The following MAPKAP1 variants were observed in gnomAD, a reference collection of about 807,000 sequenced individuals.
MAPKAP1 encodes the protein target of rapamycin complex 2 subunit MAPKAP1.
A neutral mutation model predicts 65.7 loss-of-function variants in MAPKAP1; 20 were observed. The observed-to-expected ratio is 0.30, with a 90% CI of 0.21 to 0.44. MAPKAP1 has a LOEUF of 0.44. Ranked by LOEUF, MAPKAP1 falls within the 20% of genes least tolerant of loss-of-function variation. The pLI, the probability that MAPKAP1 is intolerant of heterozygous loss-of-function variation, is 1.00. For synonymous variants in MAPKAP1, 222 were observed against 244.3 expected, an observed-to-expected ratio of 0.91 and a Z score of 0.85; for missense variants, 423 against 648.0, an observed-to-expected ratio of 0.65 and a Z score of 3.77.
intron 4 of MAPKAP1, among the ~76,000 whole-genome samples, chr9:125,615,538 CAA>C (rs58426049): frequency 6.1e-4 from 68 of 110,754 alleles, no homozygotes; most frequent in Admixed American, 1.8e-3. Flanking sequence ...ACTAAAAATA[CAA>C]AAAAAAAAAA....
intron 4 of MAPKAP1, among the ~76,000 whole-genome samples, chr9:125,589,609 T>G (rs896307084): frequency 6.6e-6 from 1 of 152,182 alleles, no homozygotes; most frequent in Non-Finnish European, 1.5e-5. Flanking sequence ...CATCTTTAAC[T>G]CTATAATTCT....
chr9:125,639,057 G>C (rs1049427005), intron 4 of MAPKAP1, among the ~76,000 whole-genome samples: 16 of 152,158 alleles, frequency 1.1e-4, no homozygotes, highest in Non-Finnish European at 2.1e-4. Flanking sequence ...TGGCCAATAT[G>C]GTGAAACCTC....
chr9:125,556,829 G>A (rs1012898180), intron 6 of MAPKAP1, among the ~76,000 whole-genome samples: 4 of 152,200 alleles, frequency 2.6e-5, no homozygotes, highest in East Asian at 1.9e-4. Context: ...CCAGAAAGGC[G>A]AGTAAGAGGT....
chr9:125,558,568 G>A (rs866646156), intron 6 of MAPKAP1, among the ~76,000 whole-genome samples: 7 of 152,178 alleles, frequency 4.6e-5, no homozygotes, highest in Non-Finnish European at 7.3e-5. Flanking sequence ...GAGAGAGACA[G>A]GGAAATGTCT....
intron 5 of MAPKAP1, among the ~76,000 whole-genome samples, chr9:125,568,419 G>A (rs1024530027): frequency 7.2e-5 from 11 of 152,130 alleles, no homozygotes; most frequent in African/African-American, 2.7e-4. Context: ...TGCAACCAAC[G>A]AGCAGCCGCC....
intron 10 of MAPKAP1, among the ~76,000 whole-genome samples, chr9:125,458,864 C>G (rs1853317444): frequency 2.5e-5 from 1 of 39,528 alleles, no homozygotes; most frequent in Non-Finnish European, 4.5e-5. Context: ...CCCTACCTCC[C>G]TCCCGGACGG....
At chr9:125,469,767 A>C (rs892037808) in intron 9 of MAPKAP1, among the ~76,000 whole-genome samples, 4 of 152,228 alleles carry the variant, frequency 2.6e-5, no homozygotes, top group African/African-American at 7.2e-5. Flanking sequence ...TGATTTCAGG[A>C]GGGTGAGAAT....
At chr9:125,464,204 T>TTAAA (rs1554805633) in intron 10 of MAPKAP1, among the ~76,000 whole-genome samples, 3,970 of 83,264 alleles carry the variant, frequency 0.048, 549 homozygotes, top group Admixed American at 0.072. Context: ...TCTCATATAT[T>TTAAA]AAAAAAAAAA....
At chr9:125,683,697 C>T (rs1834890392) in intron 1 of MAPKAP1, among the ~76,000 whole-genome samples, 1 of 152,200 alleles carries the variant, frequency 6.6e-6, no homozygotes, top group African/African-American at 2.4e-5. Flanking sequence ...GAACACAAAA[C>T]TCAGCTGAAG....
At chr9:125,462,102 G>C (rs1440648330) in intron 10 of MAPKAP1, among the ~76,000 whole-genome samples, 10 of 152,206 alleles carry the variant, frequency 6.6e-5, no homozygotes, top group African/African-American at 1.2e-4. Flanking sequence ...GAAAGAGAGA[G>C]AGCGCATGAG....
intron 5 of MAPKAP1, among the ~76,000 whole-genome samples, chr9:125,569,669 G>A (rs1831168867): frequency 6.6e-6 from 1 of 152,178 alleles, no homozygotes; most frequent in Non-Finnish European, 1.5e-5. Flanking sequence ...GGAGGCACCA[G>A]AGACCCCTTT....
At chr9:125,669,527 C>T (rs546323796) in intron 3 of MAPKAP1, among the ~76,000 whole-genome samples, 1 of 152,102 alleles carries the variant, frequency 6.6e-6, no homozygotes, top group Admixed American at 6.5e-5. Context: ...TACTCCTTGG[C>T]CTATATTTTT....
intron 4 of MAPKAP1, among the ~76,000 whole-genome samples, chr9:125,632,219 C>A (rs1450735739): frequency 1.7e-4 from 4 of 23,800 alleles, no homozygotes; most frequent in Non-Finnish European, 1.5e-4. Context: ...AAGACTCCGT[C>A]TCAAAGAAAA....
chr9:125,492,010 G>A (rs1854752632), intron 8 of MAPKAP1, among the ~76,000 whole-genome samples: 1 of 148,986 alleles, frequency 6.7e-6, no homozygotes. Context: ...GAGCAACATA[G>A]TGAGACTTTA....
rs149935329 is a variant in MAPKAP1, at chr9:125,530,171, G to A, written c.958+12888C>T. On this transcript the variant is annotated intron_variant, in intron 7 of 11. Transcript: ENST00000265960. Reference sequence around the variant, plus strand: ...AGCAAGGGTTTTTTCATAGAAAGTAGCTAAAATCAGTCTTGGTAGAGAAGA... The same window carrying A: ...AGCAAGGGTTTTTTCATAGAAAGTAACTAAAATCAGTCTTGGTAGAGAAGA... Among the ~76,000 whole-genome samples the A allele has an allele frequency of 4.2e-3, 646 of 152,246 alleles. 4 individuals carry two copies. Among genetic ancestry groups the A allele is most frequent in the African/African-American group, 0.015 (604 of 41,538 alleles).
chr9:125,647,662 T>G (rs572923243), intron 4 of MAPKAP1, among the ~76,000 whole-genome samples: 3 of 152,336 alleles, frequency 2.0e-5, no homozygotes. Flanking sequence ...TTTCTCCACT[T>G]GATGGCCATA....
intron 7 of MAPKAP1, among the ~76,000 whole-genome samples, chr9:125,518,493 T>C (rs1829528827): frequency 6.6e-6 from 1 of 151,846 alleles, no homozygotes; most frequent in Admixed American, 6.6e-5. Flanking sequence ...TGAAACCTCG[T>C]CGCTACAAAA....
chr9:125,687,169 T>C (rs1835009106), intron 1 of MAPKAP1, among the ~76,000 whole-genome samples: 1 of 150,350 alleles, frequency 6.7e-6, no homozygotes, highest in Non-Finnish European at 1.5e-5. Context: ...CTGGTTCCAA[T>C]AACTACAAGA....
intron 4 of MAPKAP1, chr9:125,652,286 A>G: frequency 8.3e-7 from 1 of 1,201,498 alleles, no homozygotes; most frequent in Non-Finnish European, 1.1e-6. Context: ...GCAAAAATGT[A>G]TTTAAGGACT....
Sources: gnomAD v4.1 joint callset for allele counts (sites outside exome capture counted in the v4.1 genomes callset) on GRCh38, gnomAD v4.1.1 for gene constraint, MANE v1.5 for transcripts, NCBI Gene and HGNC (gene_info 2026-07-23, HGNC 2026-07-21) for gene names.